Variants in IGSF11 observed in about 807,000 individuals in gnomAD.
The protein encoded by IGSF11 is CXADR like 1.
A neutral mutation model predicts 41.0 loss-of-function variants in IGSF11; 22 were observed. The observed-to-expected ratio is 0.54, with a 90% CI of 0.38 to 0.77. The LOEUF (loss-of-function observed/expected upper bound fraction) is 0.77, where lower values mean the gene tolerates loss of function less well. Ranked by LOEUF, IGSF11 falls within the 30% of genes least tolerant of loss-of-function variation. The pLI is 0.00. For missense variants in IGSF11, 444 were observed against 530.8 expected, an observed-to-expected ratio of 0.84 and a Z score of 1.61; for synonymous variants, 219 against 201.3, an observed-to-expected ratio of 1.09 and a Z score of -0.74.
intron 1 of IGSF11, among the ~76,000 whole-genome samples, chr3:118,977,331 A>C (rs765992419): frequency 3.3e-5 from 5 of 152,198 alleles, no homozygotes; most frequent in Non-Finnish European, 5.9e-5. Flanking sequence ...CTTGTGGCTA[A>C]GGGGCAGGAC....
At chr3:119,124,335 C>T (rs1278728202) in intron 1 of IGSF11, among the ~76,000 whole-genome samples, 3 of 136,670 alleles carry the variant, frequency 2.2e-5, no homozygotes, top group Admixed American at 8.0e-5. Flanking sequence ...GACGTGATCT[C>T]GGCTCACTGC....
chr3:119,069,371 T>G (rs1159251087), intron 1 of IGSF11, among the ~76,000 whole-genome samples: 2 of 152,176 alleles, frequency 1.3e-5, no homozygotes, highest in Non-Finnish European at 2.9e-5. Flanking sequence ...ACATTAAGTA[T>G]TTTGAAACAA....
chr3:119,139,169 T>C (rs867281264), intron 1 of IGSF11, among the ~76,000 whole-genome samples: 1 of 151,814 alleles, frequency 6.6e-6, no homozygotes, highest in Non-Finnish European at 1.5e-5. Flanking sequence ...AAAATATATA[T>C]AAATAAAAAT....
At chr3:118,916,135 G>C (rs28849514) in intron 4 of IGSF11, among the ~76,000 whole-genome samples, 2,083 of 147,962 alleles carry the variant, frequency 0.014, 27 homozygotes, top group Admixed American at 0.045. Flanking sequence ...ACAACCGGTA[G>C]CAGCCGCTGC....
In IGSF11 at chr3:118,943,829, C is replaced by G. The variant is rs532898813; in HGVS notation, c.53-13554G>C. ...CTTTGCTGTTAAATACAACCATGTA[C>G]TCTCAACTTCACCACTTGGTTGAAT... is the stretch of plus-strand genomic sequence containing the variant. On this transcript the variant is annotated intron_variant, in intron 1 of 6. Transcript: ENST00000393775. Among the ~76,000 whole-genome samples the G allele has an allele frequency of 8.5e-5, 13 of 152,290 alleles. 2 individuals carry two copies. The highest frequency in any genetic ancestry group is 2.9e-4 in the African/African-American group (12 of 41,572).
At chr3:119,104,355 C>A (rs2107509225) in intron 1 of IGSF11, among the ~76,000 whole-genome samples, 1 of 152,280 alleles carries the variant, frequency 6.6e-6, no homozygotes, top group East Asian at 1.9e-4. Flanking sequence ...TTTAGTTATT[C>A]AAACTCCCCG....
At chr3:119,129,982 C>G (rs9825228) in intron 1 of IGSF11, among the ~76,000 whole-genome samples, 2,499 of 151,894 alleles carry the variant, frequency 0.016, 70 homozygotes, top group African/African-American at 0.057. Flanking sequence ...AAGACTCTGT[C>G]TTAAAAAAAA....
intron 4 of IGSF11, among the ~76,000 whole-genome samples, chr3:118,911,663 G>C (rs150265313): frequency 4.0e-5 from 6 of 150,472 alleles, no homozygotes; most frequent in Non-Finnish European, 8.8e-5. Context: ...GAGAGAGAGA[G>C]AACAAAGAGG....
intron 1 of IGSF11, among the ~76,000 whole-genome samples, chr3:119,020,638 T>A (rs1939195920): frequency 6.6e-6 from 1 of 152,252 alleles, no homozygotes; most frequent in South Asian, 2.1e-4. Flanking sequence ...GCCTGAAGCA[T>A]AATAAACCCT....
intron 1 of IGSF11, among the ~76,000 whole-genome samples, chr3:118,974,702 C>T (rs1933866210): frequency 6.6e-6 from 1 of 152,176 alleles, no homozygotes; most frequent in Non-Finnish European, 1.5e-5. Flanking sequence ...TCTCCTTCCT[C>T]CTTTTCTCCA....
chr3:118,948,923 G>C (rs1944363642), intron 1 of IGSF11, among the ~76,000 whole-genome samples: 1 of 147,612 alleles, frequency 6.8e-6, no homozygotes, highest in Non-Finnish European at 1.5e-5. Context: ...AGTGAGCCGA[G>C]ATCGCGCCAC....
intron 1 of IGSF11, among the ~76,000 whole-genome samples, chr3:118,959,741 G>A (rs1318426264): frequency 6.6e-6 from 1 of 152,172 alleles, no homozygotes; most frequent in Non-Finnish European, 1.5e-5. Flanking sequence ...TGCTGCTGCT[G>A]TTGTTGGTAA....
chr3:119,080,838 G>A (rs2107480514), intron 1 of IGSF11, among the ~76,000 whole-genome samples: 1 of 152,214 alleles, frequency 6.6e-6, no homozygotes, highest in Middle Eastern at 3.4e-3. Context: ...AGATAGCTCA[G>A]ACCTAGGGTG....
intron 1 of IGSF11, among the ~76,000 whole-genome samples, chr3:118,941,507 A>G (rs1483994748): frequency 6.6e-6 from 1 of 152,226 alleles, no homozygotes; most frequent in Non-Finnish European, 1.5e-5. Flanking sequence ...TAACTCTCAT[A>G]CATTTCTGAA....
chr3:118,952,027 AAAGC>A (rs1228454775), intron 1 of IGSF11, among the ~76,000 whole-genome samples: 1 of 152,212 alleles, frequency 6.6e-6, no homozygotes, highest in South Asian at 2.1e-4. Context: ...AAATCTCAAT[AAAGC>A]AAGTCATACA....
intron 1 of IGSF11, among the ~76,000 whole-genome samples, chr3:119,092,004 G>T (rs568436864): frequency 3.3e-4 from 46 of 138,704 alleles, no homozygotes; most frequent in South Asian, 7.1e-4. Flanking sequence ...GGGGGGGGGG[G>T]GTTGGTGGTT....
chr3:119,060,204 T>C (rs1171922746), intron 1 of IGSF11, among the ~76,000 whole-genome samples: 2 of 152,188 alleles, frequency 1.3e-5, no homozygotes, highest in East Asian at 1.9e-4. Context: ...ACCAAGAACA[T>C]TGTCTTTAGG....
chr3:118,960,684 G>A (rs1490445096), intron 1 of IGSF11, among the ~76,000 whole-genome samples: 3 of 152,066 alleles, frequency 2.0e-5, no homozygotes, highest in Admixed American at 2.0e-4. Flanking sequence ...AAGACTGTTG[G>A]TGTATATATA....
intron 1 of IGSF11, among the ~76,000 whole-genome samples, chr3:118,983,067 T>C (rs185908935): frequency 1.3e-5 from 2 of 152,132 alleles, no homozygotes; most frequent in South Asian, 2.1e-4. Context: ...CCCAACATAA[T>C]TGCAAGGAAG....
Sources: gnomAD v4.1 joint callset for allele counts (sites outside exome capture counted in the v4.1 genomes callset) on GRCh38, gnomAD v4.1.1 for gene constraint, MANE v1.5 for transcripts, NCBI Gene and HGNC (gene_info 2026-07-23, HGNC 2026-07-21) for gene names.